HOXC4: variants seen among roughly 807,000 people sequenced by gnomAD.
HOXC4 encodes homeobox C4.
In HOXC4, 15 loss-of-function variants were observed where a neutral mutation model predicts 25.5. The ratio of observed to expected loss-of-function variants is 0.59; its 90% CI spans 0.39 to 0.91. The LOEUF is 0.91. Ranked by LOEUF, HOXC4 falls within the 40% of genes least tolerant of loss-of-function variation. The probability of loss-of-function intolerance (pLI) is 0.00; values close to 1 mark genes in which losing one functional copy is unlikely to be tolerated. For missense variants in HOXC4, 342 were observed against 352.4 expected (o/e 0.97, Z 0.24); for synonymous variants, 165 against 148.0 (o/e 1.11, Z -0.83).
At chr12:54,042,099 C>T (rs1036281151) in intron 1 of HOXC4, among the ~76,000 whole-genome samples, 12 of 151,918 alleles carry the variant, frequency 7.9e-5, no homozygotes, top group African/African-American at 2.9e-4. Context: ...CTGCCTCAGC[C>T]TCCTGAGTAG....
intron 1 of HOXC4, chr12:54,020,749 C>T (rs1313658336): frequency 6.6e-6 from 1 of 152,174 alleles, no homozygotes; most frequent in East Asian, 1.9e-4. Flanking sequence ...TGTGCATGCT[C>T]TGCTGGAAAT....
intron 1 of HOXC4, among the ~76,000 whole-genome samples, chr12:54,023,264 A>C (rs1042152558): frequency 1.3e-5 from 2 of 152,192 alleles, no homozygotes; most frequent in Admixed American, 1.3e-4. Context: ...TGGGGTAGAG[A>C]TGTTTGGGAC....
rs200362917 is a variant in HOXC4, at chr12:54,028,945, T to C, written c.-124+11531T>C. On this transcript the variant is annotated intron_variant, in intron 1 of 3. Transcript: ENST00000303406. ...TGGTGAGTTTTACAGCTCCGAGATA[T>C]AAATTAAATAAACTGAACTGGCTTT... is the stretch of plus-strand genomic sequence containing the variant. 148 of 1,578,972 alleles carry C rather than the reference T, an allele frequency of 9.4e-5. No individual in the cohort carries two copies. The African/African-American group carries it at 1.9e-3, about 20-fold the overall frequency.
chr12:54,020,701 G>T (rs1007314676), intron 1 of HOXC4: 2 of 152,170 alleles, frequency 1.3e-5, no homozygotes, highest in African/African-American at 2.4e-5. Flanking sequence ...AGATGAGAGT[G>T]GGCTCATGGA....
intron 1 of HOXC4, chr12:54,029,018 C>T (rs903052134): frequency 3.4e-5 from 42 of 1,218,086 alleles, no homozygotes; most frequent in Non-Finnish European, 4.4e-5. Context: ...TTTTATGGCC[C>T]CATAAAAACA....
At chr12:54,047,822 C>G (rs1004921835) in intron 1 of HOXC4, 3 of 152,386 alleles carry the variant, frequency 2.0e-5, no homozygotes, top group African/African-American at 7.2e-5. Flanking sequence ...CCTCCGATGG[C>G]CCCTTCTCCG....
intron 1 of HOXC4, chr12:54,029,988 C>T: frequency 6.7e-7 from 1 of 1,488,406 alleles, no homozygotes; most frequent in Non-Finnish European, 9.0e-7. Flanking sequence ...CCACCCCTCT[C>T]TCCCTTTCTC....
chr12:54,054,546 A>G lies in HOXC4; in HGVS notation c.439+185A>G, dbSNP rs578071654. ...GAATGGGTAATTACATCCCCCATAA[A>G]TTTTATGGCTTAGCTACTCTGGGCA... On this transcript the variant is annotated intron_variant, in intron 1 of 1. Transcript: ENST00000430889. 3.9e-3 allele frequency among the ~76,000 whole-genome samples: 598 copies of G among 151,986 alleles called. 4 individuals are homozygous for G. The highest frequency in any genetic ancestry group is 0.01 in the Middle Eastern group (3 of 294).
rs1026056594 is a variant in HOXC4 at position 54,028,414 on chromosome 12, G to T, written c.-124+11000G>T. 4.0e-6 allele frequency: 5 copies of T among 1,248,386 alleles called. No individual in the cohort carries two copies. The South Asian group carries it at 4.7e-5, about 12-fold the overall frequency. The allele number at this position is 1,248,386 out of a possible 1,614,324, so 77.3% of individuals were successfully genotyped here. A position where few individuals can be genotyped will look rare whatever the true frequency, so the allele number is the denominator to read the frequency against. On this transcript the variant is annotated intron_variant, in intron 1 of 3. Coordinates refer to the HOXC4 transcript ENST00000303406. ...GGGGGTCAGCTGACTTTGTCATTTT[G>T]TCTGTCCTGGATTGGAGCCGTCCCT...
intron 1 of HOXC4, among the ~76,000 whole-genome samples, chr12:54,037,488 A>G (rs1454864298): frequency 6.6e-6 from 1 of 152,120 alleles, no homozygotes. Flanking sequence ...AAGAGGGGGG[A>G]CACGGCCCAC....
chr12:54,020,201 A>T (rs1194428908), intron 1 of HOXC4: 2 of 152,264 alleles, frequency 1.3e-5, no homozygotes, highest in Non-Finnish European at 2.9e-5. Flanking sequence ...AATAATAGCC[A>T]GGGTGGCTGA....
intron 1 of HOXC4, chr12:54,034,192 G>A (rs1020442784): frequency 7.8e-7 from 1 of 1,288,510 alleles, no homozygotes; most frequent in African/African-American, 1.5e-5. Flanking sequence ...CTCCGGCCGC[G>A]GGTGGGGGCC....
intron 1 of HOXC4, among the ~76,000 whole-genome samples, chr12:54,038,796 G>A (rs146233928): frequency 6.6e-6 from 1 of 152,152 alleles, no homozygotes; most frequent in Non-Finnish European, 1.5e-5. Flanking sequence ...TGTTGAATGG[G>A]TGAGGGAGCA....
In HOXC4 at chr12:54,028,774, T is replaced by C. The variant is rs1940848731; in HGVS notation, c.-124+11360T>C. 3 of 1,614,166 alleles carry C rather than the reference T, an allele frequency of 1.9e-6. No homozygotes were observed. Reference sequence around the variant, plus strand: ...CTTTTACCAGGAGAAAGACATGCTCTCAAACTGCAGACAAAACACCTTAGG... The same window carrying C: ...CTTTTACCAGGAGAAAGACATGCTCCCAAACTGCAGACAAAACACCTTAGG... On this transcript the variant is annotated intron_variant, in intron 1 of 3. Coordinates refer to the HOXC4 transcript ENST00000303406.
chr12:54,034,438 C>T, intron 1 of HOXC4: 1 of 1,614,248 alleles, frequency 6.2e-7, no homozygotes, highest in Non-Finnish European at 8.5e-7. Context: ...GGTTCCAGAA[C>T]CGCAGGATGA....
chr12:54,034,263 G>A (rs1333319312), intron 1 of HOXC4: 1 of 1,608,842 alleles, frequency 6.2e-7, no homozygotes, highest in South Asian at 1.1e-5. Context: ...GCTTGGGGTG[G>A]GGTTTATGTT....
At chr12:54,020,608 C>T (rs1016118313) in intron 1 of HOXC4, 1 of 152,164 alleles carries the variant, frequency 6.6e-6, no homozygotes, top group African/African-American at 2.4e-5. Flanking sequence ...CTCATATTTC[C>T]TTGGTGGTTA....
At chr12:54,028,557 C>G (rs1173116730) in intron 1 of HOXC4, 1 of 1,614,166 alleles carries the variant, frequency 6.2e-7, no homozygotes, top group East Asian at 2.2e-5. Context: ...CCTTATCCTG[C>G]CACCTCGCCG....
chr12:54,051,701 A>C (rs1393315910), upstream of HOXC4, among the ~76,000 whole-genome samples: 9 of 152,158 alleles, frequency 5.9e-5, no homozygotes, highest in Admixed American at 5.9e-4. Flanking sequence ...AGGGACCACC[A>C]AGCACCAGCT....
Sources: gnomAD v4.1 joint callset for allele counts (sites outside exome capture counted in the v4.1 genomes callset) on GRCh38, gnomAD v4.1.1 for gene constraint, MANE v1.5 for transcripts, NCBI Gene and HGNC (gene_info 2026-07-23, HGNC 2026-07-21) for gene names.